Variants in MIGA1 observed in about 807,000 individuals in gnomAD.
MIGA1 encodes mitoguardin 1, also known as family with sequence similarity 73, member A.
In MIGA1, 58 loss-of-function variants were observed where a neutral mutation model predicts 82.0. That is an observed-to-expected ratio of 0.71 (90% CI 0.57 to 0.88). The LOEUF is 0.88. MIGA1 is among the 40% of genes least tolerant of loss of function. The probability of loss-of-function intolerance (pLI) is 0.00; values close to 1 mark genes in which losing one functional copy is unlikely to be tolerated. For missense variants in MIGA1, 751 were observed against 749.1 expected, an observed-to-expected ratio of 1.00 and a Z score of -0.03; for synonymous variants, 249 against 253.6, an observed-to-expected ratio of 0.98 and a Z score of 0.17.
chr1:77,859,140 G>C (rs1431242565), intron 9 of MIGA1, 84 bp downstream of exon 9: 1 of 1,030,312 alleles, frequency 9.7e-7, no homozygotes, highest in African/African-American at 1.6e-5. Context: ...GAAAATAGGA[G>C]AAAATATGTT....
At position 77,864,016 on chromosome 1, in the gene MIGA1, C is replaced by G. The variant is rs375939438; in HGVS notation, c.1497C>G (p.Ser499=). 6.2e-7 allele frequency: 1 copy of G among 1,603,164 alleles called. No homozygotes were observed. The highest frequency in any genetic ancestry group is 1.1e-5 in the South Asian group (1 of 88,320). The change falls in exon 13 of 16, where the codon TCC becomes TCG. Residue 499 remains serine (S), a synonymous_variant. Transcript: ENST00000370791. ...TAAATAATCGATGGCTAAACTCATC[C>G]TTCAAAGAAACAGTAAGTGGTGGTT...
rs554751766 is a variant in MIGA1 at position 77,798,942 on chromosome 1, A to G, written c.196-2389A>G. On this transcript the variant is annotated intron_variant, in intron 2 of 15. Transcript: ENST00000370791. ...GTCATAAATGGATGTTGAATGTTTT[A>G]AAGTGTTCTTTTCACATCTGTTGAG... Among the ~76,000 whole-genome samples, 7 of 152,322 alleles carry G rather than the reference A, an allele frequency of 4.6e-5. No individual in the cohort carries two copies. The South Asian group carries it at 8.3e-4, about 18-fold the overall frequency.
At chr1:77,796,400 G>A (rs1168451469) in intron 2 of MIGA1, among the ~76,000 whole-genome samples, 28 of 151,608 alleles carry the variant, frequency 1.8e-4, no homozygotes, top group Admixed American at 1.7e-3. Context: ...TTACAGGCGT[G>A]AGCCCACCGT....
chr1:77,855,149 G>C (rs889839781), intron 8 of MIGA1, among the ~76,000 whole-genome samples: 5 of 152,032 alleles, frequency 3.3e-5, no homozygotes, highest in African/African-American at 7.2e-5. Flanking sequence ...TGTTGAAAAG[G>C]GTGTCTTTTC....
At chr1:77,855,701 G>A (rs999705510) in intron 8 of MIGA1, among the ~76,000 whole-genome samples, 4 of 151,294 alleles carry the variant, frequency 2.6e-5, no homozygotes, top group East Asian at 3.9e-4. Flanking sequence ...CTGCTTGGTC[G>A]CTGTTGGTGT....
At chr1:77,780,780 T>G (rs1237374556) in intron 1 of MIGA1, among the ~76,000 whole-genome samples, 1 of 152,136 alleles carries the variant, frequency 6.6e-6, no homozygotes, top group Non-Finnish European at 1.5e-5. Flanking sequence ...TTTTTTGTTT[T>G]TTTTTCTTTA....
intron 2 of MIGA1, among the ~76,000 whole-genome samples, chr1:77,789,459 A>G (rs1434838689): frequency 4.0e-5 from 6 of 151,824 alleles, no homozygotes; most frequent in African/African-American, 1.2e-4. Context: ...ATCCTCCCGT[A>G]TTGGCCTCCC....
chr1:77,803,348 A>G lies in MIGA1; in HGVS notation c.452A>G (p.Asn151Ser). 6.4e-7 allele frequency: 1 copy of G among 1,571,600 alleles called. No individual in the cohort carries two copies. Among genetic ancestry groups the G allele is most frequent in the Non-Finnish European group, 8.6e-7 (1 of 1,156,140 alleles). ...AAAGACAAAGGATCTCAAGTTTGTAACTATGCTAATGGAGGACTTTTCAGT... is the reference window on the plus strand; with the variant it reads ...AAAGACAAAGGATCTCAAGTTTGTAGCTATGCTAATGGAGGACTTTTCAGT... Residue 151 changes from asparagine to serine, a missense_variant, in exon 4 of 16, where the codon AAC (asparagine) becomes AGC (serine). Transcript: ENST00000370791.
rs114449206 is a variant in MIGA1, at chr1:77,789,336, G to A, written c.195+5985G>A. 7.3e-3 allele frequency among the ~76,000 whole-genome samples: 1,103 copies of A among 150,742 alleles called. 16 individuals are homozygous for A. The highest frequency in any genetic ancestry group is 0.025 in the African/African-American group (1,028 of 41,068). On this transcript the variant is annotated intron_variant, in intron 2 of 15. Coordinates refer to ENST00000370791, the MANE Select transcript of MIGA1 (RefSeq NM_198549.4). ...TGATCCTTCCACCTTAGCCTCCCAAGTAGCTTGTACTACAGGAGTGTACCA... is the reference window on the plus strand; with the variant it reads ...TGATCCTTCCACCTTAGCCTCCCAAATAGCTTGTACTACAGGAGTGTACCA...
intron 2 of MIGA1, among the ~76,000 whole-genome samples, chr1:77,787,260 A>G (rs1682204030): frequency 6.6e-6 from 1 of 152,150 alleles, no homozygotes; most frequent in Non-Finnish European, 1.5e-5. Context: ...CAGCCAAACC[A>G]TATCAAAGGT....
intron 2 of MIGA1, among the ~76,000 whole-genome samples, chr1:77,788,682 A>G (rs937893912): frequency 6.6e-6 from 1 of 152,098 alleles, no homozygotes; most frequent in South Asian, 2.1e-4. Flanking sequence ...TCCCTATACC[A>G]TTTGTTGAAA....
chr1:77,861,238 T>G lies in MIGA1; in HGVS notation c.1290T>G (p.Phe430Leu), dbSNP rs1192483721. 6.2e-7 allele frequency: 1 copy of G among 1,610,054 alleles called. No individual in the cohort carries two copies. The highest frequency in any genetic ancestry group is 8.5e-7 in the Non-Finnish European group (1 of 1,176,762). ...TTCTTCTTCAGAATCCAAAGAAGTT[T>G]GAAGATGTTTTTGATGAAATGATCT... Residue 430 changes from phenylalanine to leucine, a missense_variant, in exon 12 of 16, where the codon TTT becomes TTG. By Grantham distance (22) the Phe-to-Leu change is conservative (BLOSUM62 0). Coordinates refer to ENST00000370791, the MANE Select transcript of MIGA1 (RefSeq NM_198549.4).
At chr1:77,810,761 T>G in intron 5 of MIGA1, 17 of 1,281,972 alleles carry the variant, frequency 1.3e-5, no homozygotes, top group Non-Finnish European at 1.8e-5. Flanking sequence ...TGGGTACGGC[T>G]TGCTTCCTGC....
chr1:77,784,887 C>T (rs1682078923), intron 2 of MIGA1, among the ~76,000 whole-genome samples: 4 of 152,154 alleles, frequency 2.6e-5, no homozygotes, highest in Non-Finnish European at 4.4e-5. Context: ...ATTTTTGAAA[C>T]TGTCAGATAT....
At chr1:77,855,981 G>A (rs910850761) in intron 8 of MIGA1, among the ~76,000 whole-genome samples, 1 of 152,076 alleles carries the variant, frequency 6.6e-6, no homozygotes, top group Non-Finnish European at 1.5e-5. Context: ...CATTCTCAGA[G>A]GGAATGCTTT....
intron 7 of MIGA1, 96 bp from the exon 8 acceptor site, chr1:77,843,211 A>T: frequency 1.2e-6 from 1 of 838,172 alleles, no homozygotes; most frequent in Non-Finnish European, 1.9e-6. Flanking sequence ...AGTCTAAATA[A>T]AGACTGGGGG....
chr1:77,831,359 G>A (rs1684238022), intron 7 of MIGA1, among the ~76,000 whole-genome samples: 1 of 152,022 alleles, frequency 6.6e-6, no homozygotes, highest in Non-Finnish European at 1.5e-5. Flanking sequence ...TAAATGGGTA[G>A]CAAATGCAAA....
chr1:77,870,129 C>G (rs1459599891), intron 14 of MIGA1, among the ~76,000 whole-genome samples: 160 of 94,046 alleles, frequency 1.7e-3, no homozygotes, highest in African/African-American at 5.6e-3. Flanking sequence ...GGCGACTGGC[C>G]GGGCAGAGGG....
At chr1:77,868,169 A>G (rs1237776351) in intron 14 of MIGA1, 1 of 152,232 alleles carries the variant, frequency 6.6e-6, no homozygotes, top group East Asian at 1.9e-4. Context: ...AGTTATAATA[A>G]TAATGATATA....
Sources: allele counts gnomAD v4.1 joint callset (sites outside exome capture counted in the v4.1 genomes callset), GRCh38; gene constraint gnomAD v4.1.1; transcripts MANE v1.5; gene names NCBI Gene and HGNC (gene_info 2026-07-23, HGNC 2026-07-21).